The following RGL1 variants were observed in gnomAD, a reference collection of about 807,000 sequenced individuals.
RGL1 encodes ral guanine nucleotide dissociation stimulator-like 1.
Under a neutral mutation model 95.2 loss-of-function variants are expected in RGL1, and 24 were observed. That is an observed-to-expected ratio of 0.25 (90% CI 0.18 to 0.35). RGL1 has a LOEUF of 0.35. RGL1 is among the 10% of genes least tolerant of loss of function. The pLI, the probability that RGL1 is intolerant of heterozygous loss-of-function variation, is 1.00. For missense variants in RGL1, 715 were observed against 936.3 expected, an observed-to-expected ratio of 0.76 and a Z score of 3.08; for synonymous variants, 329 against 344.9, an observed-to-expected ratio of 0.95 and a Z score of 0.51.
At chr1:183,701,400 G>A (rs373361716) in intron 1 of RGL1, among the ~76,000 whole-genome samples, 5 of 152,186 alleles carry the variant, frequency 3.3e-5, no homozygotes, top group Non-Finnish European at 7.3e-5. Flanking sequence ...TAGGAGGTGT[G>A]TTCCATTTCC....
At chr1:183,639,437 T>C (rs1236561394) in intron 1 of RGL1, among the ~76,000 whole-genome samples, 1 of 152,178 alleles carries the variant, frequency 6.6e-6, no homozygotes, top group African/African-American at 2.4e-5. Flanking sequence ...TAAGGATGCT[T>C]TAATACCAGG....
At chr1:183,657,091 T>C (rs368316309) in intron 1 of RGL1, among the ~76,000 whole-genome samples, 2 of 152,218 alleles carry the variant, frequency 1.3e-5, no homozygotes, top group East Asian at 3.9e-4. Context: ...TTTTTATTTC[T>C]GTGAAAAATG....
intron 15 of RGL1, among the ~76,000 whole-genome samples, chr1:183,913,407 G>C (rs1668780169): frequency 6.6e-6 from 1 of 151,944 alleles, no homozygotes; most frequent in Non-Finnish European, 1.5e-5. Flanking sequence ...TGTTGGCCAG[G>C]TTGGTCTCAC....
intron 1 of RGL1, among the ~76,000 whole-genome samples, chr1:183,693,910 G>A (rs1654108221): frequency 6.6e-6 from 1 of 152,158 alleles, no homozygotes; most frequent in Middle Eastern, 3.2e-3. Flanking sequence ...GTCTTCTTTG[G>A]ATTGGACTTC....
intron 2 of RGL1, among the ~76,000 whole-genome samples, chr1:183,794,061 CACA>C: frequency 1.1e-5 from 1 of 92,238 alleles, no homozygotes; most frequent in East Asian, 3.1e-4. Flanking sequence ...TGTGGACACA[CACA>C]CACACACACA....
intron 9 of RGL1, among the ~76,000 whole-genome samples, chr1:183,896,688 C>G (rs1297606945): frequency 6.6e-6 from 1 of 152,170 alleles, no homozygotes; most frequent in African/African-American, 2.4e-5. Flanking sequence ...ATTTACCCCC[C>G]CATTCATGCA....
chr1:183,713,605 A>G (rs1655443011), intron 1 of RGL1, among the ~76,000 whole-genome samples: 1 of 152,130 alleles, frequency 6.6e-6, no homozygotes, highest in African/African-American at 2.4e-5. Context: ...CTTATAAAAG[A>G]GGTTCCACAG....
In RGL1 at chr1:183,880,777, A is replaced by G. The variant is rs781376489; in HGVS notation, c.587A>G (p.Gln196Arg). ...GCACAAAATCTTCTTGAGCAGTTTCAGAAGCAAGAAGTGGAAACTGACAGT... is the reference window on the plus strand; with the variant it reads ...GCACAAAATCTTCTTGAGCAGTTTCGGAAGCAAGAAGTGGAAACTGACAGT... Reference protein sequence around the residue: ...RRAQNLLEQFQKQEVETDNGL... With the variant: ...RRAQNLLEQFRKQEVETDNGL... The change falls in exon 5 of 18, where the codon CAG becomes CGG. Residue 196 changes from glutamine (Q) to arginine (R), a missense_variant. Physicochemically the swap from Gln to Arg is conservative, Grantham distance 43. Transcript: ENST00000360851. 3.1e-6 allele frequency: 5 copies of G among 1,613,908 alleles called. No homozygotes were observed. Among genetic ancestry groups the G allele is most frequent in the Non-Finnish European group, 4.2e-6 (5 of 1,179,818 alleles).
At chr1:183,707,642 C>T (rs1409013167) in intron 1 of RGL1, among the ~76,000 whole-genome samples, 1 of 151,884 alleles carries the variant, frequency 6.6e-6, no homozygotes, top group African/African-American at 2.4e-5. Context: ...ATTTGCAAGC[C>T]TCAGGAGAGG....
intron 16 of RGL1, among the ~76,000 whole-genome samples, chr1:183,918,990 A>C (rs2102751088): frequency 6.6e-6 from 1 of 152,322 alleles, no homozygotes; most frequent in East Asian, 1.9e-4. Flanking sequence ...CAGTTCTCAA[A>C]CTTTTTGTTC....
intron 2 of RGL1, among the ~76,000 whole-genome samples, chr1:183,817,241 A>G (rs1349437399): frequency 6.6e-6 from 1 of 152,208 alleles, no homozygotes; most frequent in Non-Finnish European, 1.5e-5. Flanking sequence ...CCCTCATAAA[A>G]TGTAGACATT....
rs565445708 is a variant in RGL1 at position 183,652,441 on chromosome 1, A to T, written c.-33+15940A>T. On this transcript the variant is annotated intron_variant, in intron 1 of 18. Coordinates refer to the RGL1 transcript ENST00000304685. ...ATTGGTGAAGTTTTCACTTTTTCAG[A>T]GTCTTTCTGGGCTTGTTCTTTGATC... Among the ~76,000 whole-genome samples the T allele has an allele frequency of 4.6e-5, 7 of 152,224 alleles. No homozygotes were observed. The South Asian group carries it at 1.2e-3, about 27-fold the overall frequency.
chr1:183,842,896 C>T (rs929660873), intron 2 of RGL1, among the ~76,000 whole-genome samples: 1 of 152,168 alleles, frequency 6.6e-6, no homozygotes, highest in Non-Finnish European at 1.5e-5. Flanking sequence ...TCTTTTCTTG[C>T]AAAAATGAAA....
chr1:183,637,051 G>T (rs1649592454), intron 1 of RGL1, among the ~76,000 whole-genome samples: 1 of 152,150 alleles, frequency 6.6e-6, no homozygotes, highest in African/African-American at 2.4e-5. Flanking sequence ...CTTAAGTGTT[G>T]ACTCTTCCAC....
chr1:183,819,190 C>A (rs1251029846), intron 2 of RGL1, among the ~76,000 whole-genome samples: 1 of 152,152 alleles, frequency 6.6e-6, no homozygotes, highest in African/African-American at 2.4e-5. Flanking sequence ...CACTGTCAAG[C>A]CAATAAGGCT....
chr1:183,796,762 C>T (rs978420888), intron 2 of RGL1, among the ~76,000 whole-genome samples: 1 of 152,188 alleles, frequency 6.6e-6, no homozygotes, highest in Non-Finnish European at 1.5e-5. Flanking sequence ...ACTCCTTCCT[C>T]AATTTTGGTC....
chr1:183,834,252 C>A (rs1663477104), intron 2 of RGL1, among the ~76,000 whole-genome samples: 1 of 151,992 alleles, frequency 6.6e-6, no homozygotes, highest in Non-Finnish European at 1.5e-5. Flanking sequence ...TAGGAACAAA[C>A]AAAAACAACC....
chr1:183,846,930 G>T (rs978960910), intron 2 of RGL1, among the ~76,000 whole-genome samples: 1 of 152,102 alleles, frequency 6.6e-6, no homozygotes, highest in East Asian at 1.9e-4. Context: ...CAAAGGGAAT[G>T]CTTGCTAAAC....
At chr1:183,727,649 CA>C (rs1325674897) in intron 1 of RGL1, among the ~76,000 whole-genome samples, 2 of 152,076 alleles carry the variant, frequency 1.3e-5, no homozygotes, top group Non-Finnish European at 2.9e-5. Flanking sequence ...TAGAGAGCTA[CA>C]AGTAAAACTG....
Sources: gnomAD v4.1 joint callset for allele counts (sites outside exome capture counted in the v4.1 genomes callset) on GRCh38, gnomAD v4.1.1 for gene constraint, MANE v1.5 for transcripts, NCBI Gene and HGNC (gene_info 2026-07-23, HGNC 2026-07-21) for gene names.